The following ZKSCAN3 variants were observed in gnomAD, a reference collection of about 807,000 sequenced individuals.
ZKSCAN3 encodes the protein zinc finger protein with KRAB and SCAN domains 3.
A neutral mutation model predicts 30.7 loss-of-function variants in ZKSCAN3; 21 were observed. The ratio of observed to expected loss-of-function variants is 0.68; its 90% CI spans 0.49 to 0.99. The LOEUF is 0.99. Among genes scored for constraint, ZKSCAN3 ranks in the 50% least tolerant of loss-of-function variants. The pLI, the probability that ZKSCAN3 is intolerant of heterozygous loss-of-function variation, is 0.00. For synonymous variants in ZKSCAN3, 201 were observed against 246.7 expected (o/e 0.81, Z 1.73); for missense variants, 507 against 647.1 (o/e 0.78, Z 2.35).
At chr6:28,363,668 C>T in intron 4 of ZKSCAN3, 24 bp from the exon 5 acceptor site, 3 of 1,613,882 alleles carry the variant, frequency 1.9e-6, no homozygotes, top group Non-Finnish European at 2.5e-6. Flanking sequence ...GCCCCTTCTT[C>T]AATGGGATTA....
At chr6:28,364,175 T>G (rs778958244) in intron 5 of ZKSCAN3, among the ~76,000 whole-genome samples, 10 of 152,106 alleles carry the variant, frequency 6.6e-5, no homozygotes, top group Non-Finnish European at 1.3e-4. Context: ...AGAGTTTTGC[T>G]ATGTTGCCTA....
Position 28,349,975 on chromosome 6 carries a change from G to C in ZKSCAN3, c.-155G>C, listed in dbSNP as rs1764861233. Reference sequence around the variant, plus strand: ...AGTTTCAAGCACTTTGTGAGTATGGGGTGAATCGGCGTCGGCCTTCCACTG... The same window carrying C: ...AGTTTCAAGCACTTTGTGAGTATGGCGTGAATCGGCGTCGGCCTTCCACTG... On this transcript the variant is annotated 5_prime_UTR_variant, in exon 1 of 6. Transcript: ENST00000252211. The surrounding 1 kb of genome is among the most constrained non-coding windows in gnomAD (Gnocchi z 4.1). 6.6e-6 allele frequency: 1 copy of C among 152,246 alleles called. No individual in the cohort carries two copies. Among genetic ancestry groups the C allele is most frequent in the African/African-American group, 2.4e-5 (1 of 41,452 alleles). 9.4% of individuals were successfully genotyped at this position (152,246 alleles called of 1,614,324 possible).
At position 28,352,030 on chromosome 6, in the gene ZKSCAN3, C is replaced by T. The variant is rs543361691; in HGVS notation, c.-63+1963C>T. On this transcript the variant is annotated intron_variant, in intron 1 of 5. Coordinates refer to ENST00000252211, the MANE Select transcript of ZKSCAN3 (RefSeq NM_024493.4). The stretch of plus-strand genomic sequence containing the variant: ...TACAGTTGTTGTTTTCAGTGGGGTC[C>T]GAATATGGTTCACCATTTGCATTTA... Among the ~76,000 whole-genome samples, 150 of 151,558 alleles carry T rather than the reference C, an allele frequency of 9.9e-4. No homozygotes were observed. The Middle Eastern group carries it at 0.01, about 10-fold the overall frequency.
chr6:28,363,837 T>A (rs1176951012), intron 5 of ZKSCAN3, 22 bp downstream of exon 5: 1 of 1,611,378 alleles, frequency 6.2e-7, no homozygotes, highest in Non-Finnish European at 8.5e-7. Flanking sequence ...GGACACTAAT[T>A]TCTGTTAAGG....
intron 2 of ZKSCAN3, 166 bp downstream of exon 2, chr6:28,360,154 ATTT>A: frequency 8.3e-7 from 1 of 1,205,066 alleles, no homozygotes; most frequent in Non-Finnish European, 1.1e-6. Context: ...TCTCAGAATA[ATTT>A]TTTTTTTAAA....
At chr6:28,360,682 G>GC in intron 2 of ZKSCAN3, 1 of 985,392 alleles carries the variant, frequency 1.0e-6, no homozygotes, top group Non-Finnish European at 1.2e-6. Flanking sequence ...CTTCTAAATG[G>GC]TGAGCTGGAT....
chr6:28,355,398 T>C (rs917480052), intron 1 of ZKSCAN3: 1 of 152,228 alleles, frequency 6.6e-6, no homozygotes, highest in Non-Finnish European at 1.5e-5. Flanking sequence ...AAGGGCAGCA[T>C]ATGCAGTTAG....
At chr6:28,360,009 A>T in intron 2 of ZKSCAN3, 21 bp downstream of exon 2, 1 of 1,614,170 alleles carries the variant, frequency 6.2e-7, no homozygotes, top group East Asian at 2.2e-5. Flanking sequence ...CAGGTTTAGT[A>T]TCTGAGCGCT....
rs1322712904 is a variant in ZKSCAN3, at chr6:28,361,339, CA to C, written c.419del (p.Gln140ArgfsTer13). The part of the protein sequence containing the change: ...EPAPQVSGVD[Q>X]GQELLCCKMA... ...TGATTTCTAGGTTTCAGGTGTTGAC[CA>C]GGGGCAAGAACTGCTCTGTTGCAAG... On this transcript the variant is annotated frameshift_variant, in exon 3 of 6. Transcript: ENST00000252211. LOFTEE classifies it high-confidence loss of function. 6.2e-7 allele frequency: 1 copy of C among 1,611,644 alleles called. No homozygotes were observed. The highest frequency in any genetic ancestry group is 1.3e-5 in the African/African-American group (1 of 74,774).
At chr6:28,361,605 A>G (rs1362223674) in intron 3 of ZKSCAN3, 134 bp downstream of exon 3, 1 of 995,214 alleles carries the variant, frequency 1.0e-6, no homozygotes, top group Non-Finnish European at 1.4e-6. Context: ...CTGAGACTAA[A>G]AGGAGTATTT....
intron 3 of ZKSCAN3, 52 bp downstream of exon 3, chr6:28,361,523 A>G: frequency 6.4e-7 from 1 of 1,556,858 alleles, no homozygotes; most frequent in Non-Finnish European, 8.7e-7. Flanking sequence ...ATCCAATTTC[A>G]TTTAAGGATA....
chr6:28,365,331 T>G, intron 5 of ZKSCAN3, 95 bp from the exon 6 acceptor site: 1 of 1,489,640 alleles, frequency 6.7e-7, no homozygotes, highest in Non-Finnish European at 9.0e-7. Flanking sequence ...ATCCCAGGCA[T>G]TTATAGACCT....
chr6:28,364,818 C>T (rs1240519659), intron 5 of ZKSCAN3, among the ~76,000 whole-genome samples: 1 of 152,164 alleles, frequency 6.6e-6, no homozygotes, highest in Non-Finnish European at 1.5e-5. Context: ...TCCTCTACCT[C>T]TCATGTTCAA....
At chr6:28,354,074 T>C in intron 1 of ZKSCAN3, 1 of 406,820 alleles carries the variant, frequency 2.5e-6, no homozygotes, top group Non-Finnish European at 4.9e-6. Context: ...CTGTGGCTCC[T>C]GCCGCTCCCA....
In ZKSCAN3 at chr6:28,359,467, C is replaced by G. The variant is rs567093938; in HGVS notation, c.-62-58C>G. 9 of 1,288,032 alleles carry G rather than the reference C, an allele frequency of 7.0e-6. No individual in the cohort carries two copies. In the East Asian group the frequency reaches 2.2e-4, roughly 31 times the overall value. The allele number at this position is 1,288,032 out of a possible 1,614,324, so 79.8% of individuals were successfully genotyped here. ...CCAGAGATGTCTCTGGGCTCCTGGG[C>G]AGGAGAGAAGGGACTACTTGCAAGT... On this transcript the variant is annotated intron_variant, in intron 1 of 5. Transcript: ENST00000252211.
Position 28,359,609 on chromosome 6 carries a change from G to A in ZKSCAN3, c.23G>A (p.Ser8Asn). Reference sequence around the variant, plus strand: ...AGGATGGCTAGAGAATTAAGTGAAAGCACAGCCCTGGATGCCCAGTCTACA... The same window carrying A: ...AGGATGGCTAGAGAATTAAGTGAAAACACAGCCCTGGATGCCCAGTCTACA... MARELSESTALDAQSTED... is the reference protein window; with the variant it reads MARELSENTALDAQSTED... Residue 8 changes from serine to asparagine, a missense_variant, in exon 2 of 6, where the codon AGC becomes AAC. Ser to Asn is a conservative substitution (Grantham distance 46). Transcript: ENST00000252211. The A allele has an allele frequency of 1.2e-6, 2 of 1,614,168 alleles. No individual in the cohort carries two copies. Among genetic ancestry groups the A allele is most frequent in the Non-Finnish European group, 1.7e-6 (2 of 1,179,998 alleles).
chr6:28,365,837 G>T lies in ZKSCAN3; in HGVS notation c.1169G>T (p.Arg390Ile), dbSNP rs763031450. 1 of 1,614,142 alleles carries T rather than the reference G, an allele frequency of 6.2e-7. No homozygotes were observed. The highest frequency in any genetic ancestry group is 1.1e-5 in the South Asian group (1 of 91,080). ...SHSSDLIKHQ[R>I]THTGEKPYEC... ...AGCTCAGACCTTATCAAGCATCAGA[G>T]AACCCACACTGGGGAGAAGCCCTAT... The change falls in exon 6 of 6, where the codon AGA becomes ATA. Residue 390 changes from arginine (R) to isoleucine (I), a missense_variant. Coordinates refer to ENST00000252211, the MANE Select transcript of ZKSCAN3 (RefSeq NM_024493.4).
chr6:28,358,347 A>G (rs1765561339), intron 1 of ZKSCAN3, among the ~76,000 whole-genome samples: 1 of 152,180 alleles, frequency 6.6e-6, no homozygotes, highest in Admixed American at 6.5e-5. Context: ...ACCAGGCTCA[A>G]CTTCTCTTGT....
intron 5 of ZKSCAN3, 42 bp from the exon 6 acceptor site, chr6:28,365,384 T>C: frequency 6.4e-7 from 1 of 1,568,994 alleles, no homozygotes; most frequent in Non-Finnish European, 8.6e-7. Context: ...GAGCTTTCCT[T>C]CCATGGCATA....
Sources: gnomAD v4.1 joint callset for allele counts (sites outside exome capture counted in the v4.1 genomes callset) on GRCh38, gnomAD v4.1.1 for gene constraint, Gnocchi (gnomAD v3.1) non-coding constraint, MANE v1.5 for transcripts, NCBI Gene and HGNC (gene_info 2026-07-23, HGNC 2026-07-21) for gene names.